LAMA3: variants seen among roughly 807,000 people sequenced by gnomAD.
The protein encoded by LAMA3 is laminin subunit alpha 3.
LAMA3 carries 281 observed loss-of-function variants against 402.0 expected under a neutral mutation model. That is an observed-to-expected ratio of 0.70 (90% CI 0.63 to 0.77). The LOEUF is 0.77. LAMA3 is among the 30% of genes least tolerant of loss of function. The pLI is 0.00. For synonymous variants in LAMA3, 1,431 were observed against 1,558.4 expected (o/e 0.92, Z 1.93); for missense variants, 3,840 against 4,215.5 (o/e 0.91, Z 2.47).
chr18:23,710,191 G>A, intron 1 of LAMA3: 1 of 678,928 alleles, frequency 1.5e-6, no homozygotes. Flanking sequence ...GTGTGGCTGT[G>A]GACACCTTTA....
chr18:23,765,474 A>G (rs2143772112), intron 8 of LAMA3, among the ~76,000 whole-genome samples: 1 of 152,318 alleles, frequency 6.6e-6, no homozygotes, highest in South Asian at 2.1e-4. Context: ...TGTCTCATAA[A>G]GAAAAAAAAC....
chr18:23,921,434 A>G lies in LAMA3; in HGVS notation c.8044-18A>G. 1 of 1,610,980 alleles carries G rather than the reference A, an allele frequency of 6.2e-7. No individual in the cohort carries two copies. Among genetic ancestry groups the G allele is most frequent in the Admixed American group, 1.7e-5 (1 of 59,706 alleles). On this transcript the variant is annotated intron_variant, in intron 61 of 74. Coordinates refer to ENST00000313654, the MANE Select transcript of LAMA3 (RefSeq NM_198129.4). ...CTTATTTTCGCTGGCTTGCTGATTC[A>G]TCTCTCATTTATTTCAGATTCAGAT...
chr18:23,862,321 C>G (rs990224966), intron 35 of LAMA3, among the ~76,000 whole-genome samples: 5 of 152,188 alleles, frequency 3.3e-5, no homozygotes, highest in Non-Finnish European at 5.9e-5. Context: ...ACCACTTGCT[C>G]TTCCTTTGCT....
chr18:23,888,124 A>G (rs1046528115), intron 41 of LAMA3, among the ~76,000 whole-genome samples: 1 of 152,228 alleles, frequency 6.6e-6, no homozygotes, highest in Non-Finnish European at 1.5e-5. Flanking sequence ...TCTGCATAAC[A>G]TGATCTGTTA....
chr18:23,893,392 G>A (rs1463284588), intron 42 of LAMA3, among the ~76,000 whole-genome samples: 4 of 152,026 alleles, frequency 2.6e-5, no homozygotes, highest in Admixed American at 6.6e-5. Flanking sequence ...TATCCAGCCC[G>A]GCCAATATGG....
chr18:23,886,195 G>T (rs2065067515), intron 41 of LAMA3, among the ~76,000 whole-genome samples: 1 of 152,194 alleles, frequency 6.6e-6, no homozygotes, highest in African/African-American at 2.4e-5. Context: ...TGTAAAAGTG[G>T]ATTCTTTGGG....
chr18:23,846,952 A>T (rs1467058635), intron 31 of LAMA3, among the ~76,000 whole-genome samples: 1 of 152,146 alleles, frequency 6.6e-6, no homozygotes, highest in Non-Finnish European at 1.5e-5. Context: ...AACCCATGGG[A>T]CCTTTATCTC....
At chr18:23,737,769 G>A in intron 2 of LAMA3, among the ~76,000 whole-genome samples, 1 of 152,264 alleles carries the variant, frequency 6.6e-6, no homozygotes, top group East Asian at 1.9e-4. Flanking sequence ...AGAAGACTGA[G>A]TGCGTGTTTT....
At chr18:23,852,380 T>C (rs2063966211) in intron 32 of LAMA3, among the ~76,000 whole-genome samples, 1 of 152,274 alleles carries the variant, frequency 6.6e-6, no homozygotes, top group African/African-American at 2.4e-5. Flanking sequence ...TTTTGTTTTA[T>C]GGCAGCCTGC....
chr18:23,839,870 C>T lies in LAMA3; in HGVS notation c.3277C>T (p.Pro1093Ser). Residue 1093 changes from proline to serine, a missense_variant, in exon 27 of 75, where the codon CCC becomes TCC. Around this residue, in one of 3 missense-constraint regions of LAMA3, gnomAD observed 2,109 missense variants for 2,376.0 expected, o/e 0.89. Transcript: ENST00000313654. This position sits in a 1 kb window ranked among gnomAD's most constrained non-coding sequence, Gnocchi z 4.5. Reference protein sequence around the residue: ...VLSGRPFPHLPQQSSPSVDVL... With the variant: ...VLSGRPFPHLSQQSSPSVDVL... The stretch of plus-strand genomic sequence containing the variant: ...AAGTGGCAGGCCTTTCCCTCACCTG[C>T]CCCAGCAGTCGTCACCTTCTGTTGA... 6.2e-7 allele frequency: 1 copy of T among 1,614,172 alleles called. No individual in the cohort carries two copies. Among genetic ancestry groups the T allele is most frequent in the Non-Finnish European group, 8.5e-7 (1 of 1,180,000 alleles).
At chr18:23,810,950 G>A (rs528192129) in intron 13 of LAMA3, among the ~76,000 whole-genome samples, 6 of 152,286 alleles carry the variant, frequency 3.9e-5, no homozygotes, top group African/African-American at 1.4e-4. Flanking sequence ...AGGCTTAGCA[G>A]GACCTTTGCT....
chr18:23,933,214 T>G (rs1568361950), intron 66 of LAMA3, among the ~76,000 whole-genome samples: 1 of 152,198 alleles, frequency 6.6e-6, no homozygotes, highest in Non-Finnish European at 1.5e-5. Flanking sequence ...CGTTCGTATT[T>G]CCACATGACA....
At position 23,899,464 on chromosome 18, in the gene LAMA3, G is replaced by A. The variant is rs1398781691; in HGVS notation, c.6004+9G>A. 3 of 1,613,192 alleles carry A rather than the reference G, an allele frequency of 1.9e-6. No homozygotes were observed. Among genetic ancestry groups the A allele is most frequent in the South Asian group, 2.2e-5 (2 of 91,002 alleles). ...AAGGGAGTCGCAGCTCTGTAAGAATGCTCCCAAATTCTTGCATCCAGTCCA... is the reference window on the plus strand; with the variant it reads ...AAGGGAGTCGCAGCTCTGTAAGAATACTCCCAAATTCTTGCATCCAGTCCA... On this transcript the variant is annotated intron_variant, in intron 47 of 74. Transcript: ENST00000313654.
rs370141217 is a variant in LAMA3, at chr18:23,821,311, G to T, written c.2305-941G>T. ...CTAACACTTAAAGATGAATTCAGACGAATTGTGAGGATCAGCAGGAGTTCC... is the reference window on the plus strand; with the variant it reads ...CTAACACTTAAAGATGAATTCAGACTAATTGTGAGGATCAGCAGGAGTTCC... On this transcript the variant is annotated intron_variant, in intron 19 of 74. Transcript: ENST00000313654. Among the ~76,000 whole-genome samples the T allele has an allele frequency of 6.6e-4, 101 of 152,300 alleles. No homozygotes were observed. In the South Asian group the frequency reaches 8.3e-3, roughly 12 times the overall value.
intron 73 of LAMA3, 137 bp downstream of exon 73, chr18:23,951,914 A>G (rs1442938328): frequency 7.2e-6 from 5 of 699,054 alleles, no homozygotes; most frequent in African/African-American, 7.0e-5. Flanking sequence ...TAACGTGTCC[A>G]TTCACAACCC....
chr18:23,806,655 A>G (rs888855296), intron 12 of LAMA3, among the ~76,000 whole-genome samples: 2 of 152,212 alleles, frequency 1.3e-5, no homozygotes, highest in Non-Finnish European at 2.9e-5. Context: ...CAATTTTCAA[A>G]GTCCTATTCC....
rs1357297992 is a variant in LAMA3 at position 23,944,346 on chromosome 18, C to T, written c.9210+375C>T. 2.0e-5 allele frequency among the ~76,000 whole-genome samples: 3 copies of T among 152,188 alleles called. No individual in the cohort carries two copies. In the South Asian group the frequency reaches 6.2e-4, roughly 32 times the overall value. ...CTGGAATGACCCTAGCATCTTGGCT[C>T]TTGCTTAAAGCCATTCCAGATTTCA... On this transcript the variant is annotated intron_variant, in intron 69 of 74. Transcript: ENST00000313654.
rs193152082 is a variant in LAMA3 at position 23,854,542 on chromosome 18, G to A, written c.4137-3302G>A. On this transcript the variant is annotated intron_variant, in intron 32 of 74. Transcript: ENST00000313654. The stretch of plus-strand genomic sequence containing the variant: ...TGTAGTCCCAGCTACTTGGGAGGCT[G>A]AGGCAGGAGAATGGCGTGAACCCGG... Among the ~76,000 whole-genome samples the A allele has an allele frequency of 9.9e-3, 1,512 of 152,154 alleles. 20 individuals carry two copies. Among genetic ancestry groups the A allele is most frequent in the Non-Finnish European group, 0.017 (1,128 of 68,006 alleles).
chr18:23,921,644 CA>C (rs1046575527), intron 62 of LAMA3, 59 bp downstream of exon 62: 228 of 1,559,198 alleles, frequency 1.5e-4, no homozygotes, highest in Middle Eastern at 2.0e-4. Context: ...TGATTGTGAC[CA>C]AAAAAAATCT....
Sources: gnomAD v4.1 joint callset for allele counts (sites outside exome capture counted in the v4.1 genomes callset) on GRCh38, gnomAD v4.1.1 for gene constraint, gnomAD v4.1.1 regional missense constraint, Gnocchi (gnomAD v3.1) non-coding constraint, MANE v1.5 for transcripts, NCBI Gene and HGNC (gene_info 2026-07-23, HGNC 2026-07-21) for gene names.